The following NEGR1 variants were observed in gnomAD, a reference collection of about 807,000 sequenced individuals.
The protein encoded by NEGR1 is neuronal growth regulator 1, also known as IgLON family member 4.
NEGR1 carries 10 observed loss-of-function variants against 40.9 expected under a neutral mutation model. That is an observed-to-expected ratio of 0.24 (90% confidence interval 0.15 to 0.42). The LOEUF (loss-of-function observed/expected upper bound fraction) is 0.42, where lower values mean the gene tolerates loss of function less well. Ranked by LOEUF, NEGR1 falls within the 10% of genes least tolerant of loss-of-function variation. The pLI, the probability that NEGR1 is intolerant of heterozygous loss-of-function variation, is 1.00. For synonymous variants in NEGR1, 185 were observed against 166.8 expected (o/e 1.11, Z -0.84); for missense variants, 352 against 438.9 (o/e 0.80, Z 1.77).
At chr1:71,961,080 C>A (rs946510491) in intron 1 of NEGR1, among the ~76,000 whole-genome samples, 1 of 152,100 alleles carries the variant, frequency 6.6e-6, no homozygotes, top group Non-Finnish European at 1.5e-5. Context: ...TTACCATATT[C>A]TTTTATTGCC....
chr1:71,483,025 G>A (rs1050005733), intron 6 of NEGR1, among the ~76,000 whole-genome samples: 4 of 151,852 alleles, frequency 2.6e-5, no homozygotes, highest in South Asian at 2.1e-4. Flanking sequence ...GCTGGAAAGC[G>A]GATAGTCAGG....
rs71074804 is a variant in NEGR1 at position 71,759,596 on chromosome 1, CTTTTTTTTTTTTTTTTT to C, written c.535+16559_535+16575del. ...ACAGGCGTGAGCCACTGCGTCCAGG[CTTTTTTTTTTTTTTTTT>C]TTTTTTTTTTTTTTGAGACGGAGTC... On this transcript the variant is annotated intron_variant, in intron 3 of 6. Transcript: ENST00000357731. Among the ~76,000 whole-genome samples the C allele has an allele frequency of 5.6e-4, 18 of 31,954 alleles. 1 individual carries two copies. The highest frequency in any genetic ancestry group is 2.3e-3 in the South Asian group (2 of 852). 21.0% of individuals were successfully genotyped at this position (31,954 alleles called of 152,430 possible). A position where few individuals can be genotyped will look rare whatever the true frequency, so the allele number is the denominator to read the frequency against.
chr1:72,143,919 A>ATATATATAT (rs1553145021), intron 1 of NEGR1, among the ~76,000 whole-genome samples: 8 of 65,764 alleles, frequency 1.2e-4, no homozygotes, highest in Admixed American at 4.2e-4. Flanking sequence ...TATATAATAT[A>ATATATATAT]TATATATATA....
chr1:71,866,462 A>G (rs1660116416), intron 2 of NEGR1, among the ~76,000 whole-genome samples: 1 of 152,210 alleles, frequency 6.6e-6, no homozygotes, highest in African/African-American at 2.4e-5. Flanking sequence ...TTCAATATTC[A>G]AAAAATGATA....
At chr1:72,094,982 T>C (rs1032583505) in intron 1 of NEGR1, among the ~76,000 whole-genome samples, 4 of 152,140 alleles carry the variant, frequency 2.6e-5, no homozygotes, top group Non-Finnish European at 4.4e-5. Context: ...CAAATTCCAC[T>C]ATTCTCCCCA....
intron 5 of NEGR1, among the ~76,000 whole-genome samples, chr1:71,596,278 A>G (rs1343015815): frequency 2.6e-5 from 4 of 152,198 alleles, no homozygotes; most frequent in Non-Finnish European, 5.9e-5. Flanking sequence ...ATCGAGAACC[A>G]TAACTCTCGC....
intron 1 of NEGR1, among the ~76,000 whole-genome samples, chr1:72,232,785 C>G (rs1027748568): frequency 9.9e-5 from 15 of 151,988 alleles, no homozygotes; most frequent in African/African-American, 3.6e-4. Flanking sequence ...CATTAGCCAT[C>G]CTTGTATTTC....
chr1:71,643,972 G>C (rs1054912099), intron 4 of NEGR1, among the ~76,000 whole-genome samples: 2 of 151,892 alleles, frequency 1.3e-5, no homozygotes, highest in African/African-American at 2.4e-5. Context: ...ATTTTACACT[G>C]CCACAGAGAA....
intron 2 of NEGR1, among the ~76,000 whole-genome samples, chr1:71,830,407 C>G (rs530730683): frequency 1.3e-5 from 2 of 151,780 alleles, no homozygotes; most frequent in African/African-American, 4.8e-5. Flanking sequence ...AAAAACCAGT[C>G]ATAGGCAATA....
intron 3 of NEGR1, among the ~76,000 whole-genome samples, chr1:71,717,159 A>G (rs984784073): frequency 2.0e-5 from 3 of 152,176 alleles, no homozygotes; most frequent in African/African-American, 4.8e-5. Flanking sequence ...AACCCCTATT[A>G]TGTTACATTT....
At chr1:71,793,877 C>A (rs912959074) in intron 2 of NEGR1, among the ~76,000 whole-genome samples, 48 of 152,060 alleles carry the variant, frequency 3.2e-4, no homozygotes, top group African/African-American at 1.1e-3. Flanking sequence ...AAGTTGCAAT[C>A]TAGGGATAGT....
At chr1:72,206,677 T>A (rs1653410115) in intron 1 of NEGR1, among the ~76,000 whole-genome samples, 1 of 152,102 alleles carries the variant, frequency 6.6e-6, no homozygotes, top group African/African-American at 2.4e-5. Context: ...AAACAAGTCA[T>A]GTTTCATTTT....
intron 4 of NEGR1, among the ~76,000 whole-genome samples, chr1:71,647,378 A>T (rs1651566906): frequency 6.6e-6 from 1 of 151,934 alleles, no homozygotes; most frequent in Non-Finnish European, 1.5e-5. Flanking sequence ...CTCAATTCAC[A>T]GGATTTGCAT....
chr1:72,051,169 A>C (rs768692711), intron 1 of NEGR1, among the ~76,000 whole-genome samples: 1 of 151,492 alleles, frequency 6.6e-6, no homozygotes, highest in Non-Finnish European at 1.5e-5. Flanking sequence ...AATTTCAGAG[A>C]CATATAATTA....
intron 1 of NEGR1, among the ~76,000 whole-genome samples, chr1:72,079,540 A>G (rs1647898115): frequency 6.6e-6 from 1 of 152,142 alleles, no homozygotes; most frequent in Non-Finnish European, 1.5e-5. Context: ...ACTGAAGAGA[A>G]TTCCATATTT....
intron 2 of NEGR1, chr1:71,794,333 A>G (rs1301598686): frequency 6.6e-6 from 1 of 152,166 alleles, no homozygotes; most frequent in Non-Finnish European, 1.5e-5. Flanking sequence ...CCTAACTAAG[A>G]AAAATAAAAG....
chr1:71,985,500 ATCCCTCAAT>A (rs1257661605), intron 1 of NEGR1, among the ~76,000 whole-genome samples: 1 of 152,166 alleles, frequency 6.6e-6, no homozygotes, highest in Non-Finnish European at 1.5e-5. Flanking sequence ...CCACCGATAA[ATCCCTCAAT>A]TGGGATTTGA....
chr1:72,053,176 A>G (rs1647077367), intron 1 of NEGR1, among the ~76,000 whole-genome samples: 1 of 151,356 alleles, frequency 6.6e-6, no homozygotes, highest in African/African-American at 2.4e-5. Flanking sequence ...AAGTTTCAGG[A>G]ATGAATAAAT....
chr1:71,472,988 C>T (rs924859836), intron 6 of NEGR1, among the ~76,000 whole-genome samples: 34 of 151,454 alleles, frequency 2.2e-4, no homozygotes, highest in African/African-American at 7.8e-4. Context: ...AAATTCAGAG[C>T]GAAAGTGATA....
Sources: allele counts gnomAD v4.1 joint callset (sites outside exome capture counted in the v4.1 genomes callset), GRCh38; gene constraint gnomAD v4.1.1; transcripts MANE v1.5; gene names NCBI Gene and HGNC (gene_info 2026-07-23, HGNC 2026-07-21).